The following PFDN4 variants were observed in gnomAD, a reference collection of about 807,000 sequenced individuals.
PFDN4 encodes prefoldin 4.
In PFDN4, 6 loss-of-function variants were observed where a neutral mutation model predicts 17.6. The ratio of observed to expected loss-of-function variants is 0.34; its 90% confidence interval spans 0.19 to 0.67. PFDN4 has a LOEUF of 0.67. PFDN4 is among the 30% of genes least tolerant of loss of function. The probability of loss-of-function intolerance (pLI) is 0.68; values close to 1 mark genes in which losing one functional copy is unlikely to be tolerated. For synonymous variants in PFDN4, 48 were observed against 51.1 expected, an observed-to-expected ratio of 0.94 and a Z score of 0.26; for missense variants, 119 against 158.4, an observed-to-expected ratio of 0.75 and a Z score of 1.33.
intron 1 of PFDN4, among the ~76,000 whole-genome samples, chr20:54,210,454 G>A (rs546675409): frequency 9.8e-5 from 15 of 152,322 alleles, no homozygotes; most frequent in African/African-American, 3.4e-4. Flanking sequence ...TTAATTAAAA[G>A]CAAATCGTAC....
At position 54,219,114 on chromosome 20, in the gene PFDN4, C is replaced by T. The variant is rs556974515; in HGVS notation, c.369C>T (p.Phe123=). Residue 123 remains phenylalanine, a synonymous_variant, in exon 4 of 4, where the codon TTC becomes TTT. Coordinates refer to ENST00000371419, the MANE Select transcript of PFDN4 (RefSeq NM_002623.4). ...ADLKVQLYAK[F]GSNINLEADE... ...TGAAAGTTCAGTTGTATGCAAAATT[C>T]GGGAGCAACATAAACCTTGAAGCTG... 5.8e-5 allele frequency: 92 copies of T among 1,585,992 alleles called. No homozygotes were observed. Among genetic ancestry groups the T allele is most frequent in the Middle Eastern group, 3.4e-4 (2 of 5,834 alleles).
intron 1 of PFDN4, among the ~76,000 whole-genome samples, chr20:54,212,701 A>C (rs188703576): frequency 6.6e-6 from 1 of 152,378 alleles, no homozygotes; most frequent in Non-Finnish European, 1.5e-5. Flanking sequence ...TGGGGGTTCA[A>C]TATTTAAACA....
intron 3 of PFDN4, among the ~76,000 whole-genome samples, chr20:54,217,389 T>G (rs922162969): frequency 1.3e-5 from 2 of 152,138 alleles, no homozygotes; most frequent in African/African-American, 4.8e-5. Flanking sequence ...TGCTGGAGAT[T>G]GGGAGCACCT....
At position 54,219,460 on chromosome 20, in the gene PFDN4, A is replaced by C. The variant is rs2092766899; in HGVS notation, c.*310A>C. On this transcript the variant is annotated 3_prime_UTR_variant, in exon 4 of 4. Coordinates refer to ENST00000371419, the MANE Select transcript of PFDN4 (RefSeq NM_002623.4). ...GAATATTTGTTGTTGCAATTTTCAC[A>C]TAAGAAAATTTAACAGTTGTGTCAT... 2.7e-6 allele frequency: 1 copy of C among 375,288 alleles called. No individual in the cohort carries two copies. The highest frequency in any genetic ancestry group is 2.1e-5 in the African/African-American group (1 of 48,242). 23.2% of individuals were successfully genotyped at this position (375,288 alleles called of 1,614,324 possible). A position where few individuals can be genotyped will look rare whatever the true frequency, so the allele number is the denominator to read the frequency against.
chr20:54,213,639 A>G (rs1339987145), intron 1 of PFDN4, among the ~76,000 whole-genome samples: 1 of 152,270 alleles, frequency 6.6e-6, no homozygotes, highest in Non-Finnish European at 1.5e-5. Context: ...AGCAGAGATA[A>G]TAAAGTACTT....
chr20:54,214,276 A>G lies in PFDN4; in HGVS notation c.25-75A>G, dbSNP rs999729277. The G allele has an allele frequency of 2.7e-5, 20 of 751,758 alleles. No homozygotes were observed. The African/African-American group carries it at 2.9e-4, about 11-fold the overall frequency. The allele number at this position is 751,758 out of a possible 1,614,324, so 46.6% of individuals were successfully genotyped here. A position where few individuals can be genotyped will look rare whatever the true frequency, so the allele number is the denominator to read the frequency against. ...ATGAGTGCAAATGGCTTATTGAGTT[A>G]TTGTTGAGAAATATAAAAAGCTAAC... On this transcript the variant is annotated intron_variant, in intron 1 of 3. Transcript: ENST00000371419.
At chr20:54,208,323 G>A in intron 1 of PFDN4, 199 bp downstream of exon 1, 1 of 464,040 alleles carries the variant, frequency 2.2e-6, no homozygotes, top group Non-Finnish European at 3.7e-6. Flanking sequence ...CACCTGGCCA[G>A]CCGAGGCGGG....
chr20:54,211,268 T>C (rs2092755436), intron 1 of PFDN4, among the ~76,000 whole-genome samples: 1 of 152,188 alleles, frequency 6.6e-6, no homozygotes. Context: ...GAGGCATGAC[T>C]GAGTATGGTT....
chr20:54,211,318 GA>G (rs904756589), intron 1 of PFDN4, among the ~76,000 whole-genome samples: 1 of 152,202 alleles, frequency 6.6e-6, no homozygotes, highest in African/African-American at 2.4e-5. Context: ...TAGTTCTCAA[GA>G]AAAGAGCCCA....
chr20:54,216,639 T>A (rs1274251874), intron 3 of PFDN4, among the ~76,000 whole-genome samples: 1 of 151,802 alleles, frequency 6.6e-6, no homozygotes, highest in Non-Finnish European at 1.5e-5. Flanking sequence ...TGAACTTTTA[T>A]TTTATTTTAT....
intron 3 of PFDN4, among the ~76,000 whole-genome samples, chr20:54,216,727 G>C (rs1389710969): frequency 6.6e-6 from 1 of 152,028 alleles, no homozygotes; most frequent in African/African-American, 2.4e-5. Flanking sequence ...CGCAATCTCG[G>C]CTCACTGCAA....
intron 3 of PFDN4, among the ~76,000 whole-genome samples, chr20:54,217,019 A>G (rs2092763431): frequency 6.6e-6 from 1 of 152,202 alleles, no homozygotes; most frequent in Non-Finnish European, 1.5e-5. Context: ...CTTACTCTGT[A>G]TCAGGTTCTG....
chr20:54,217,010 T>C (rs2092763410), intron 3 of PFDN4, among the ~76,000 whole-genome samples: 1 of 152,218 alleles, frequency 6.6e-6, no homozygotes, highest in African/African-American at 2.4e-5. Flanking sequence ...AATGGAGTGC[T>C]TACTCTGTAT....
In PFDN4 at chr20:54,214,473, T is replaced by C. The variant is rs764481416; in HGVS notation, c.132+15T>C. 7.9e-6 allele frequency: 10 copies of C among 1,259,958 alleles called. No individual in the cohort carries two copies. The highest frequency in any genetic ancestry group is 1.0e-5 in the Non-Finnish European group (9 of 894,010). The allele number at this position is 1,259,958 out of a possible 1,614,324, so 78.0% of individuals were successfully genotyped here. On this transcript the variant is annotated intron_variant, in intron 2 of 3. Coordinates refer to ENST00000371419, the MANE Select transcript of PFDN4 (RefSeq NM_002623.4). ...AAGTAAAAAAGGTATTGAAAATAAT[T>C]ATTAGAAGAATAAAATTTTTTTATA...
chr20:54,211,544 A>G (rs1254410640), intron 1 of PFDN4, among the ~76,000 whole-genome samples: 1 of 152,266 alleles, frequency 6.6e-6, no homozygotes, highest in Non-Finnish European at 1.5e-5. Flanking sequence ...TAGCCTCTCC[A>G]TTTTACAGAT....
chr20:54,219,389 G>C lies in PFDN4; in HGVS notation c.*239G>C, dbSNP rs1262852262. Reference sequence around the variant, plus strand: ...ATCAAGTCTAGGGGCTTCATGTCATGTTATTAAAATCAGTTAAGCAATCTT... The same window carrying C: ...ATCAAGTCTAGGGGCTTCATGTCATCTTATTAAAATCAGTTAAGCAATCTT... On this transcript the variant is annotated 3_prime_UTR_variant, in exon 4 of 4. Transcript: ENST00000371419. The C allele has an allele frequency of 2.7e-6, 1 of 371,120 alleles. No homozygotes were observed. Among genetic ancestry groups the C allele is most frequent in the Non-Finnish European group, 4.7e-6 (1 of 212,476 alleles). The allele number at this position is 371,120 out of a possible 1,614,324, so 23.0% of individuals were successfully genotyped here. A position where few individuals can be genotyped will look rare whatever the true frequency, so the allele number is the denominator to read the frequency against.
chr20:54,210,299 G>T (rs2092754061), intron 1 of PFDN4, among the ~76,000 whole-genome samples: 1 of 152,308 alleles, frequency 6.6e-6, no homozygotes, highest in South Asian at 2.1e-4. Flanking sequence ...TAGATGCAGT[G>T]TCCTCCTGTA....
intron 2 of PFDN4, among the ~76,000 whole-genome samples, chr20:54,214,676 C>A (rs1442574042): frequency 6.6e-6 from 1 of 152,004 alleles, no homozygotes; most frequent in African/African-American, 2.4e-5. Context: ...GTTCCAGGAA[C>A]AAGTCTCGGA....
chr20:54,215,214 A>G (rs111475492), intron 2 of PFDN4, 86 bp from the exon 3 acceptor site: 2 of 887,304 alleles, frequency 2.3e-6, no homozygotes, highest in Non-Finnish European at 3.5e-6. Context: ...GGTCCCTCAG[A>G]GAGTTGCTGT....
Sources: allele counts gnomAD v4.1 joint callset (sites outside exome capture counted in the v4.1 genomes callset), GRCh38; gene constraint gnomAD v4.1.1; transcripts MANE v1.5; gene names NCBI Gene and HGNC (gene_info 2026-07-23, HGNC 2026-07-21).